The following CASP2 variants were observed in gnomAD, a reference collection of about 807,000 sequenced individuals.
CASP2 encodes caspase-2.
CASP2 carries 38 observed loss-of-function variants against 54.4 expected under a neutral mutation model. That is an observed-to-expected ratio of 0.70 (90% CI 0.54 to 0.92). The LOEUF (loss-of-function observed/expected upper bound fraction) is 0.92. Among genes scored for constraint, CASP2 ranks in the 40% least tolerant of loss-of-function variants. CASP2 has a pLI of 0.00. For missense variants in CASP2, 512 were observed against 579.6 expected (o/e 0.88, Z 1.20); for synonymous variants, 215 against 216.3 (o/e 0.99, Z 0.05).
In CASP2 at chr7:143,305,799, G is replaced by A. The variant is rs1410562056; in HGVS notation, c.*728G>A. 6.5e-6 allele frequency: 1 copy of A among 154,744 alleles called. No individual in the cohort carries two copies. The highest frequency in any genetic ancestry group is 1.4e-5 in the Non-Finnish European group (1 of 69,650). 9.6% of individuals were successfully genotyped at this position (154,744 alleles called of 1,614,324 possible). ...GGTTGTTTCTCTGAGCTTTGTTACT[G>A]AAATGAGCCTCGTGGGGAGCATCAG... On this transcript the variant is annotated 3_prime_UTR_variant, in exon 11 of 11. Transcript: ENST00000310447.
chr7:143,298,435 T>C (rs1379556801), intron 6 of CASP2: 1 of 152,230 alleles, frequency 6.6e-6, no homozygotes, highest in Non-Finnish European at 1.5e-5. Flanking sequence ...AGGTACACAG[T>C]ATAACCTTCT....
chr7:143,293,375 G>A (rs570883933), intron 4 of CASP2: 4 of 422,576 alleles, frequency 9.5e-6, no homozygotes, highest in South Asian at 7.4e-5. Context: ...TGATCCTTCC[G>A]CCTTGGCCTC....
intron 8 of CASP2, chr7:143,300,984 A>AG: frequency 1.1e-6 from 1 of 952,098 alleles, no homozygotes; most frequent in Non-Finnish European, 1.3e-6. Flanking sequence ...CTTTGGAGTC[A>AG]AATTCTGACT....
Position 143,303,811 on chromosome 7 carries a change from A to G in CASP2, c.995A>G (p.Gln332Arg). 1.9e-6 allele frequency: 3 copies of G among 1,614,024 alleles called. No homozygotes were observed. The highest frequency in any genetic ancestry group is 2.5e-6 in the Non-Finnish European group (3 of 1,179,968). The change falls in exon 9 of 11, where the codon CAA (glutamine) becomes CGA (arginine). Residue 332 changes from glutamine (Q) to arginine (R), a missense_variant. Gln to Arg is a conservative substitution (Grantham distance 43). This residue lies in a region of CASP2 where 417 missense variants were observed against 495.4 expected (regional missense o/e 0.84). Coordinates refer to ENST00000310447, the MANE Select transcript of CASP2 (RefSeq NM_032982.4). ...GAGACTGATCGTGGGGTTGACCAAC[A>G]AGATGGAAAGAACCACGCAGGATCC... ...GDETDRGVDQ[Q>R]DGKNHAGSPG...
chr7:143,303,917 C>T lies in CASP2; in HGVS notation c.1101C>T (p.Gly367=), dbSNP rs1586469794. 1 of 1,599,924 alleles carries T rather than the reference C, an allele frequency of 6.3e-7. No homozygotes were observed. The highest frequency in any genetic ancestry group is 8.5e-7 in the Non-Finnish European group (1 of 1,172,774). ...RLPTRSDMIC[G]YACLKGTAAM... is the part of the protein sequence containing the mutation. ...CCACGCGCTCAGACATGATATGCGG[C>T]TATGCCTGCCTCAAAGGTACTTTGA... Residue 367 remains glycine, a synonymous_variant, in exon 9 of 11, where the codon GGC becomes GGT. Transcript: ENST00000310447.
intron 4 of CASP2, 73 bp downstream of exon 4, chr7:143,292,771 G>A (rs1801615561): frequency 1.7e-5 from 22 of 1,271,252 alleles, no homozygotes; most frequent in South Asian, 1.2e-4. Context: ...AGCACTTTGC[G>A]GGGCCAAGGC....
rs374157123 is a variant in CASP2, at chr7:143,288,431, G to A, written c.-25G>A. On this transcript the variant is annotated 5_prime_UTR_variant, in exon 1 of 11. Transcript: ENST00000310447. The stretch of plus-strand genomic sequence containing the variant: ...TTGTTTGGGCTGTGGGCGGTGCGCA[G>A]CGGAGAGCCCGGGAAAAGCGGGAAA... 5 of 1,611,060 alleles carry A rather than the reference G, an allele frequency of 3.1e-6. No homozygotes were observed. The African/African-American group carries it at 6.7e-5, about 22-fold the overall frequency.
rs989421408 is a variant in CASP2, at chr7:143,295,546, T to G, written c.747+773T>G. The stretch of plus-strand genomic sequence containing the variant: ...TTCACTCTTTATTTTGATTCCAGAA[T>G]AGTAGAACTTTCTTCAACTTGCTTT... On this transcript the variant is annotated intron_variant, in intron 6 of 10. Transcript: ENST00000310447. Among the ~76,000 whole-genome samples the G allele has an allele frequency of 8.5e-5, 13 of 152,260 alleles. 1 individual carries two copies. The highest frequency in any genetic ancestry group is 3.1e-4 in the African/African-American group (13 of 41,468).
chr7:143,294,337 A>G lies in CASP2; in HGVS notation c.570+13A>G, dbSNP rs750985565. The stretch of plus-strand genomic sequence containing the variant: ...ACACTTCCAGCTGGTGAGTTTTTGC[A>G]TAATGACAAGAGGAAGAGAGTTGGG... On this transcript the variant is annotated intron_variant, in intron 5 of 10. Coordinates refer to ENST00000310447, the MANE Select transcript of CASP2 (RefSeq NM_032982.4). 2.5e-6 allele frequency: 4 copies of G among 1,569,066 alleles called. No individual in the cohort carries two copies. The highest frequency in any genetic ancestry group is 3.5e-6 in the Non-Finnish European group (4 of 1,139,318).
chr7:143,292,177 A>G, intron 2 of CASP2, 123 bp from the exon 3 acceptor site: 1 of 912,984 alleles, frequency 1.1e-6, no homozygotes, highest in East Asian at 2.5e-5. Context: ...GACTTCACCC[A>G]TACATACACT....
intron 6 of CASP2, among the ~76,000 whole-genome samples, chr7:143,297,989 C>G (rs1392351185): frequency 6.6e-6 from 1 of 152,176 alleles, no homozygotes; most frequent in Non-Finnish European, 1.5e-5. Context: ...TGCAGACTTT[C>G]AAATATTTTA....
Position 143,305,425 on chromosome 7 carries a change from C to G in CASP2, c.*354C>G. 2.6e-6 allele frequency: 1 copy of G among 378,954 alleles called. No homozygotes were observed. The allele number at this position is 378,954 out of a possible 1,614,324, so 23.5% of individuals were successfully genotyped here. A position where few individuals can be genotyped will look rare whatever the true frequency, so the allele number is the denominator to read the frequency against. ...TCAGTTCCAGCTTTTGTAGATGGCA[C>G]TTTAGTGATTGCTTTTATTACATTA... is the stretch of plus-strand genomic sequence containing the variant. On this transcript the variant is annotated 3_prime_UTR_variant, in exon 11 of 11. Transcript: ENST00000310447.
intron 4 of CASP2, chr7:143,293,244 C>T: frequency 1.9e-6 from 1 of 536,144 alleles, no homozygotes; most frequent in Non-Finnish European, 3.3e-6. Context: ...CCTCCTGCCT[C>T]AGCCTCCCAA....
intron 8 of CASP2, chr7:143,300,519 C>T: frequency 1.3e-6 from 2 of 1,572,986 alleles, no homozygotes; most frequent in South Asian, 1.1e-5. Context: ...CTCCGTGCAC[C>T]ACCATATCCT....
chr7:143,304,363 G>A (rs1413052003), intron 9 of CASP2, among the ~76,000 whole-genome samples: 1 of 152,162 alleles, frequency 6.6e-6, no homozygotes, highest in Non-Finnish European at 1.5e-5. Context: ...GCATATGCAT[G>A]TTTTAGACAT....
chr7:143,305,835 G>A lies in CASP2; in HGVS notation c.*764G>A, dbSNP rs567078503. On this transcript the variant is annotated 3_prime_UTR_variant, in exon 11 of 11. Transcript: ENST00000310447. ...CGTGGGGAGCATCAGAGAAGGCCAG[G>A]AAGAATGGTGTGTTTCCCTAGACTC... 1 of 153,648 alleles carries A rather than the reference G, an allele frequency of 6.5e-6. No homozygotes were observed. The allele number at this position is 153,648 out of a possible 1,614,324, so 9.5% of individuals were successfully genotyped here.
At chr7:143,292,570 G>A (rs753908137) in intron 3 of CASP2, 47 bp from the exon 4 acceptor site, 28 of 1,603,772 alleles carry the variant, frequency 1.7e-5, no homozygotes, top group East Asian at 4.5e-5. Context: ...TATTTGGACC[G>A]GACCACTTCC....
At chr7:143,303,708 TG>T in intron 8 of CASP2, 75 bp from the exon 9 acceptor site, 1 of 1,394,272 alleles carries the variant, frequency 7.2e-7, no homozygotes, top group Non-Finnish European at 1.0e-6. Context: ...GTAGGGAACG[TG>T]GGCTTGCCTG....
rs1802024323 is a variant in CASP2 at position 143,304,938 on chromosome 7, A to G, written c.1228-2A>G. The G allele has an allele frequency of 6.2e-7, 1 of 1,614,206 alleles. No homozygotes were observed. Among genetic ancestry groups the G allele is most frequent in the Non-Finnish European group, 8.5e-7 (1 of 1,180,040 alleles). On this transcript the variant is annotated splice_acceptor_variant, in intron 10 of 10. Coordinates refer to ENST00000310447, the MANE Select transcript of CASP2 (RefSeq NM_032982.4). LOFTEE classifies it high-confidence loss of function. ...TTGGGCCTATTGGTTCTGCCCCTCC[A>G]GGTGAACGCACTTATCAAGGATCGG... is the stretch of plus-strand genomic sequence containing the variant.
Sources: gnomAD v4.1 joint callset for allele counts (sites outside exome capture counted in the v4.1 genomes callset) on GRCh38, gnomAD v4.1.1 for gene constraint, gnomAD v4.1.1 regional missense constraint, MANE v1.5 for transcripts, NCBI Gene and HGNC (gene_info 2026-07-23, HGNC 2026-07-21) for gene names.